The following HIVEP1 variants were observed in gnomAD, a reference collection of about 807,000 sequenced individuals.
The protein encoded by HIVEP1 is zinc finger protein 40.
In HIVEP1, 36 loss-of-function variants were observed where a neutral mutation model predicts 180.0. The ratio of observed to expected loss-of-function variants is 0.20; its 90% CI spans 0.15 to 0.26. The LOEUF is 0.26. HIVEP1 is among the 10% of genes least tolerant of loss of function. The pLI is 1.00. For missense variants in HIVEP1, 3,143 were observed against 3,268.7 expected, an observed-to-expected ratio of 0.96 and a Z score of 0.94; for synonymous variants, 1,239 against 1,239.0, an observed-to-expected ratio of 1.00 and a Z score of 0.00.
At position 12,122,233 on chromosome 6, in the gene HIVEP1, C is replaced by G. The variant is rs1757720091; in HGVS notation, c.2438C>G (p.Pro813Arg). The change falls in exon 4 of 9, where the codon CCT (proline) becomes CGT (arginine). Residue 813 changes from proline (P) to arginine (R), a missense_variant. Physicochemically the swap from Pro to Arg is moderately radical, Grantham distance 103 (BLOSUM62 -2). Around this residue, in one of 12 missense-constraint regions of HIVEP1, gnomAD observed 204 missense variants for 243.7 expected, o/e 0.84. Coordinates refer to ENST00000379388, the MANE Select transcript of HIVEP1 (RefSeq NM_002114.4). Reference sequence around the variant, plus strand: ...TCAAGCTCTGATATACCGAAGTCACCTTTCACCCCTACTGAAAAATCAAAG... The same window carrying G: ...TCAAGCTCTGATATACCGAAGTCACGTTTCACCCCTACTGAAAAATCAAAG... ...TSSSSDIPKS[P>R]FTPTEKSKQV... is the part of the protein sequence containing the mutation. 6.2e-7 allele frequency: 1 copy of G among 1,614,090 alleles called. No individual in the cohort carries two copies. The highest frequency in any genetic ancestry group is 8.5e-7 in the Non-Finnish European group (1 of 1,180,038).
Position 12,063,092 on chromosome 6 carries a change from A to C in HIVEP1, c.41-26092A>C, listed in dbSNP as rs865883638. 6.6e-6 allele frequency among the ~76,000 whole-genome samples: 1 copy of C among 152,364 alleles called. No individual in the cohort carries two copies. The highest frequency in any genetic ancestry group is 3.4e-3 in the Middle Eastern group (1 of 294). ...TTTAAAAATATAATATGCTAATCTA[A>C]ATTATGTTTTACTCTTTTTGGAAAT... On this transcript the variant is annotated intron_variant, in intron 2 of 8. Transcript: ENST00000379388. This position sits in a 1 kb window ranked among gnomAD's most constrained non-coding sequence, Gnocchi z 4.2.
intron 2 of HIVEP1, among the ~76,000 whole-genome samples, chr6:12,057,926 C>G (rs1233606726): frequency 6.6e-6 from 1 of 152,134 alleles, no homozygotes; most frequent in African/African-American, 2.4e-5. Flanking sequence ...GTAGTTTGCA[C>G]TCATTAAAGA....
At chr6:12,013,445 C>A (rs1179580803) in intron 1 of HIVEP1, among the ~76,000 whole-genome samples, 7 of 152,304 alleles carry the variant, frequency 4.6e-5, no homozygotes, top group East Asian at 3.9e-4. Context: ...CACTTCCCCC[C>A]ACAAGGATTT....
chr6:12,045,499 GC>G (rs1366757065), intron 2 of HIVEP1, among the ~76,000 whole-genome samples: 2 of 152,238 alleles, frequency 1.3e-5, no homozygotes, highest in Non-Finnish European at 2.9e-5. Context: ...GGACCACTGT[GC>G]TGCCAGCTTT....
At chr6:12,053,216 A>T (rs1210026200) in intron 2 of HIVEP1, among the ~76,000 whole-genome samples, 1 of 152,050 alleles carries the variant, frequency 6.6e-6, no homozygotes, top group Admixed American at 6.6e-5. Flanking sequence ...ATTTCCCAAT[A>T]TGCTGTTCAT....
At chr6:12,136,018 T>C in intron 7 of HIVEP1, 126 bp downstream of exon 7, 1 of 549,478 alleles carries the variant, frequency 1.8e-6, no homozygotes, top group Non-Finnish European at 3.3e-6. Context: ...TTATATGCAG[T>C]AGACTCCTAA....
intron 2 of HIVEP1, among the ~76,000 whole-genome samples, chr6:12,030,007 A>G (rs1461999088): frequency 6.6e-6 from 1 of 152,050 alleles, no homozygotes; most frequent in Non-Finnish European, 1.5e-5. Flanking sequence ...TGCTTTTTTA[A>G]TATTTATGGA....
chr6:12,131,077 TGTA>T (rs1758392538), intron 6 of HIVEP1, 135 bp downstream of exon 6: 1 of 515,332 alleles, frequency 1.9e-6, no homozygotes, highest in Non-Finnish European at 3.4e-6. Context: ...TTGTCAATGT[TGTA>T]GTCTTATTAC....
the HIVEP1 span, among the ~76,000 whole-genome samples, chr6:12,182,394 C>CA: frequency 4.7e-4 from 71 of 152,020 alleles, 1 homozygote; most frequent in Admixed American, 3.5e-3. Context: ...GGATGTGAAG[C>CA]AAAAAAATAA....
At position 12,123,323 on chromosome 6, in the gene HIVEP1, G is replaced by A; in HGVS notation, c.3528G>A (p.Val1176=). ...CGGGGAAGTCCGGGTCTCTAAAAGT[G>A]ATAGGAATCTCCCAAGAGGAAAGTC... ...NRTGKSGSLK[V]IGISQEESHP... is the part of the protein sequence containing the mutation. Residue 1176 remains valine, a synonymous_variant, in exon 4 of 9, where the codon GTG becomes GTA. Transcript: ENST00000379388. The A allele has an allele frequency of 6.2e-7, 1 of 1,614,142 alleles. No homozygotes were observed. Among genetic ancestry groups the A allele is most frequent in the Non-Finnish European group, 8.5e-7 (1 of 1,180,028 alleles).
chr6:12,011,009 C>G (rs941833343), upstream of HIVEP1, among the ~76,000 whole-genome samples: 4 of 152,118 alleles, frequency 2.6e-5, no homozygotes, highest in Admixed American at 6.5e-5. Context: ...GTTAATTGCG[C>G]TCGCAGCTTC....
intron 3 of HIVEP1, among the ~76,000 whole-genome samples, chr6:12,098,969 A>T (rs961050435): frequency 6.6e-6 from 1 of 152,192 alleles, no homozygotes; most frequent in African/African-American, 2.4e-5. Context: ...ATTTTATTTA[A>T]GAAAAGCGTT....
chr6:12,067,257 C>T (rs1163853439), intron 2 of HIVEP1, among the ~76,000 whole-genome samples: 4 of 152,040 alleles, frequency 2.6e-5, no homozygotes, highest in Non-Finnish European at 5.9e-5. Context: ...TAACCATTTT[C>T]TATTTTTATT....
chr6:12,057,784 A>G (rs1469572771), intron 2 of HIVEP1, among the ~76,000 whole-genome samples: 2 of 152,232 alleles, frequency 1.3e-5, no homozygotes, highest in African/African-American at 2.4e-5. Context: ...TGATGAATAT[A>G]AAATTTAATA....
Position 12,137,338 on chromosome 6 carries a change from T to G in HIVEP1, c.6487+1446T>G, listed in dbSNP as rs74798884. Among the ~76,000 whole-genome samples the G allele has an allele frequency of 5.0e-4, 76 of 152,352 alleles. 1 individual carries two copies. The East Asian group carries it at 0.014, about 27-fold the overall frequency. On this transcript the variant is annotated intron_variant, in intron 7 of 8. Transcript: ENST00000379388. The stretch of plus-strand genomic sequence containing the variant: ...CTAAATTGTTAAGGGAAGGTAGTAC[T>G]TATATCTTAAATTTGCATAGGAGAA...
At chr6:12,078,363 C>T (rs959479425) in intron 2 of HIVEP1, among the ~76,000 whole-genome samples, 2 of 151,716 alleles carry the variant, frequency 1.3e-5, no homozygotes, top group African/African-American at 4.8e-5. Context: ...TACCAGTAGA[C>T]CAAGCTTTTC....
chr6:12,037,967 G>A (rs1289070628), intron 2 of HIVEP1: 1 of 386,302 alleles, frequency 2.6e-6, no homozygotes, highest in Non-Finnish European at 4.6e-6. Context: ...CTCCTGTGTT[G>A]GCCCCCCAAA....
chr6:12,065,849 G>A (rs1375907953), intron 2 of HIVEP1, among the ~76,000 whole-genome samples: 1 of 152,130 alleles, frequency 6.6e-6, no homozygotes. Flanking sequence ...GCTGATAAAC[G>A]ATTAGAAAGC....
intron 7 of HIVEP1, 132 bp downstream of exon 7, chr6:12,136,024 C>T: frequency 1.9e-6 from 1 of 526,256 alleles, no homozygotes; most frequent in East Asian, 3.3e-5. Context: ...GCAGTAGACT[C>T]CTAATTAGTT....
Sources: allele counts gnomAD v4.1 joint callset (sites outside exome capture counted in the v4.1 genomes callset), GRCh38; gene constraint gnomAD v4.1.1; regional missense constraint gnomAD v4.1.1; non-coding constraint Gnocchi (gnomAD v3.1); transcripts MANE v1.5; gene names NCBI Gene and HGNC (gene_info 2026-07-23, HGNC 2026-07-21).